Variants in NEGR1 observed in about 807,000 individuals in gnomAD.
The protein encoded by NEGR1 is IgLON family member 4.
NEGR1 carries 10 observed loss-of-function variants against 40.9 expected under a neutral mutation model. The observed-to-expected ratio is 0.24, with a 90% confidence interval of 0.15 to 0.42. The LOEUF is 0.42. Ranked by LOEUF, NEGR1 falls within the 10% of genes least tolerant of loss-of-function variation. NEGR1 has a pLI of 1.00. For synonymous variants in NEGR1, 185 were observed against 166.8 expected (o/e 1.11, Z -0.84); for missense variants, 352 against 438.9 (o/e 0.80, Z 1.77).
chr1:72,129,462 T>A (rs987925126), intron 1 of NEGR1, among the ~76,000 whole-genome samples: 9 of 152,200 alleles, frequency 5.9e-5, no homozygotes, highest in African/African-American at 2.2e-4. Flanking sequence ...GCTTTGTTAA[T>A]TGCTTCTTAT....
intron 1 of NEGR1, among the ~76,000 whole-genome samples, chr1:72,206,164 T>C (rs1227124278): frequency 2.6e-5 from 4 of 151,866 alleles, no homozygotes; most frequent in Admixed American, 2.0e-4. Flanking sequence ...ACAGATGGCA[T>C]GATTAATTAT....
At chr1:72,252,032 TTTTA>T (rs1440397131) in intron 1 of NEGR1, among the ~76,000 whole-genome samples, 6 of 152,128 alleles carry the variant, frequency 3.9e-5, no homozygotes, top group Non-Finnish European at 7.3e-5. Context: ...ATTAATCAGA[TTTTA>T]TTTATTTTAT....
At chr1:71,457,920 T>C (rs1369854130) in intron 6 of NEGR1, among the ~76,000 whole-genome samples, 1 of 152,174 alleles carries the variant, frequency 6.6e-6, no homozygotes, top group Admixed American at 6.5e-5. Context: ...GCCAGGATGG[T>C]CTTGATCTCG....
chr1:71,566,192 A>AT (rs927055652), intron 6 of NEGR1, among the ~76,000 whole-genome samples: 11 of 152,076 alleles, frequency 7.2e-5, no homozygotes, highest in African/African-American at 2.4e-4. Flanking sequence ...GTTTGTAGTA[A>AT]TTTTTTATGA....
At chr1:71,600,902 C>T (rs551164471) in intron 5 of NEGR1, among the ~76,000 whole-genome samples, 4 of 152,216 alleles carry the variant, frequency 2.6e-5, no homozygotes, top group Admixed American at 2.0e-4. Flanking sequence ...CAGTACTAAC[C>T]CCTTGATTCT....
intron 1 of NEGR1, among the ~76,000 whole-genome samples, chr1:72,137,480 C>CAAAGT (rs1214622408): frequency 6.9e-6 from 1 of 145,862 alleles, no homozygotes; most frequent in Non-Finnish European, 1.5e-5. Flanking sequence ...TCATTCTCAG[C>CAAAGT]AAAGTAACAC....
intron 6 of NEGR1, among the ~76,000 whole-genome samples, chr1:71,558,890 A>G (rs1287726049): frequency 6.6e-6 from 1 of 150,634 alleles, no homozygotes; most frequent in Non-Finnish European, 1.5e-5. Context: ...AACTAGTTGC[A>G]CTAGTCACTA....
At chr1:71,851,394 T>C (rs1169782572) in intron 2 of NEGR1, among the ~76,000 whole-genome samples, 1 of 152,198 alleles carries the variant, frequency 6.6e-6, no homozygotes, top group Non-Finnish European at 1.5e-5. Flanking sequence ...GCAAGAGGTG[T>C]GCTAAAAATG....
intron 2 of NEGR1, among the ~76,000 whole-genome samples, chr1:71,849,104 A>G (rs1659519740): frequency 6.6e-6 from 1 of 152,138 alleles, no homozygotes; most frequent in Non-Finnish European, 1.5e-5. Flanking sequence ...AAAAAAAAGA[A>G]AAGAAATACA....
intron 1 of NEGR1, among the ~76,000 whole-genome samples, chr1:72,148,066 C>A (rs753442848): frequency 6.6e-6 from 1 of 152,030 alleles, no homozygotes; most frequent in Non-Finnish European, 1.5e-5. Context: ...GGATGGTGAC[C>A]CTCTTCTCAC....
At chr1:71,911,255 A>G (rs1661413947) in intron 2 of NEGR1, among the ~76,000 whole-genome samples, 1 of 152,162 alleles carries the variant, frequency 6.6e-6, no homozygotes, top group Admixed American at 6.5e-5. Context: ...AGGTTGGTAT[A>G]AAAATAAAGC....
At position 71,933,107 on chromosome 1, in the gene NEGR1, T is replaced by C. The variant is rs561898289; in HGVS notation, c.409+1972A>G. Among the ~76,000 whole-genome samples the C allele has an allele frequency of 3.3e-5, 5 of 152,210 alleles. No individual in the cohort carries two copies. In the South Asian group the frequency reaches 1.0e-3, roughly 32 times the overall value. On this transcript the variant is annotated intron_variant, in intron 2 of 6. Transcript: ENST00000357731. ...TTTCTTTTTCTAGAGGAATAAAATA[T>C]TAAACTGAAGGAACATTCAATAAGT...
chr1:71,594,819 A>G (rs1298229167), intron 5 of NEGR1, among the ~76,000 whole-genome samples: 1 of 152,226 alleles, frequency 6.6e-6, no homozygotes, highest in South Asian at 2.1e-4. Context: ...TTTCAGCACT[A>G]TAACTTGAAT....
intron 6 of NEGR1, among the ~76,000 whole-genome samples, chr1:71,487,398 G>T (rs936118204): frequency 6.6e-6 from 1 of 151,552 alleles, no homozygotes; most frequent in Non-Finnish European, 1.5e-5. Context: ...TGTGTACTTT[G>T]TTCTCTGAAC....
chr1:71,744,541 C>G (rs1655322391), intron 3 of NEGR1, among the ~76,000 whole-genome samples: 1 of 151,876 alleles, frequency 6.6e-6, no homozygotes, highest in African/African-American at 2.4e-5. Context: ...GGCCTAGTAT[C>G]GTGTCTACTC....
At chr1:72,128,763 T>C (rs1650127455) in intron 1 of NEGR1, among the ~76,000 whole-genome samples, 1 of 152,130 alleles carries the variant, frequency 6.6e-6, no homozygotes, top group African/African-American at 2.4e-5. Flanking sequence ...TGCCCAAATA[T>C]TTTCGGTAAA....
At position 72,166,676 on chromosome 1, in the gene NEGR1, T is replaced by C. The variant is rs189683754; in HGVS notation, c.176+115643A>G. ...AAGGCAGGCAAGAGAGGACAAATAC[T>C]GCATGATCTCACTTATGTTGAACTT... On this transcript the variant is annotated intron_variant, in intron 1 of 6. Coordinates refer to ENST00000357731, the MANE Select transcript of NEGR1 (RefSeq NM_173808.3). Among the ~76,000 whole-genome samples, 19 of 152,186 alleles carry C rather than the reference T, an allele frequency of 1.2e-4. No homozygotes were observed. In the East Asian group the frequency reaches 2.5e-3, roughly 20 times the overall value.
At chr1:71,950,770 A>C (rs1646063265) in intron 1 of NEGR1, among the ~76,000 whole-genome samples, 1 of 151,976 alleles carries the variant, frequency 6.6e-6, no homozygotes, top group Non-Finnish European at 1.5e-5. Flanking sequence ...TGTAGTCAAT[A>C]CTAAACACAG....
At chr1:71,613,519 C>T (rs1026415283) in intron 4 of NEGR1, among the ~76,000 whole-genome samples, 8 of 151,870 alleles carry the variant, frequency 5.3e-5, no homozygotes, top group Non-Finnish European at 7.4e-5. Flanking sequence ...TAGTGGTGGG[C>T]ACCTGTAATC....
Sources: allele counts gnomAD v4.1 joint callset (sites outside exome capture counted in the v4.1 genomes callset), GRCh38; gene constraint gnomAD v4.1.1; transcripts MANE v1.5; gene names NCBI Gene and HGNC (gene_info 2026-07-23, HGNC 2026-07-21).